GRID2: variants seen among roughly 807,000 people sequenced by gnomAD.
The protein encoded by GRID2 is glutamate ionotropic receptor delta type subunit 2.
GRID2 carries 33 observed loss-of-function variants against 114.8 expected under a neutral mutation model. The observed-to-expected ratio is 0.29, with a 90% CI of 0.22 to 0.38. The LOEUF (loss-of-function observed/expected upper bound fraction) is 0.38. Among genes scored for constraint, GRID2 ranks in the 10% least tolerant of loss-of-function variants. The probability of loss-of-function intolerance (pLI) is 1.00; values close to 1 mark genes in which losing one functional copy is unlikely to be tolerated. For missense variants in GRID2, 1,184 were observed against 1,257.7 expected (o/e 0.94, Z 0.89); for synonymous variants, 505 against 449.9 (o/e 1.12, Z -1.55).
chr4:93,449,119 C>A (rs1722441437), intron 10 of GRID2, among the ~76,000 whole-genome samples: 1 of 150,952 alleles, frequency 6.6e-6, no homozygotes, highest in Admixed American at 6.6e-5. Flanking sequence ...CAAATAAAAT[C>A]AAATAATATT....
chr4:92,915,638 C>T (rs1748725505), intron 2 of GRID2, among the ~76,000 whole-genome samples: 1 of 152,040 alleles, frequency 6.6e-6, no homozygotes, highest in African/African-American at 2.4e-5. Flanking sequence ...AGGGATCAAC[C>T]CACTACTCTT....
intron 13 of GRID2, among the ~76,000 whole-genome samples, chr4:93,593,487 A>AT (rs1241698744): frequency 7.5e-6 from 1 of 133,072 alleles, no homozygotes; most frequent in Non-Finnish European, 1.6e-5. Flanking sequence ...TGCCCTTAAC[A>AT]TTTTTTCCTT....
intron 11 of GRID2, among the ~76,000 whole-genome samples, chr4:93,460,108 A>G (rs1405857368): frequency 1.3e-5 from 2 of 152,198 alleles, no homozygotes; most frequent in African/African-American, 4.8e-5. Flanking sequence ...CGATTCACAT[A>G]CTTGCATATA....
intron 1 of GRID2, among the ~76,000 whole-genome samples, chr4:92,524,407 C>CTTTT (rs869060153): frequency 8.4e-4 from 89 of 106,546 alleles, no homozygotes; most frequent in African/African-American, 1.4e-3. Context: ...ATTTCCTTGT[C>CTTTT]TTTTTTTTTT....
intron 2 of GRID2, among the ~76,000 whole-genome samples, chr4:92,782,777 A>G (rs1432407289): frequency 1.3e-5 from 2 of 152,014 alleles, no homozygotes; most frequent in Non-Finnish European, 2.9e-5. Context: ...TGGAGGGTCG[A>G]AGGTGAGATT....
intron 2 of GRID2, among the ~76,000 whole-genome samples, chr4:92,901,782 T>A (rs1443560554): frequency 6.6e-6 from 1 of 152,076 alleles, no homozygotes; most frequent in African/African-American, 2.4e-5. Context: ...TGAGGATATT[T>A]GCATGTATGT....
At chr4:93,154,510 A>C (rs2149400744) in intron 4 of GRID2, among the ~76,000 whole-genome samples, 1 of 152,138 alleles carries the variant, frequency 6.6e-6, no homozygotes, top group Middle Eastern at 3.4e-3. Context: ...AGCTTGGCTA[A>C]ACCGTTAAAC....
chr4:92,383,111 C>T (rs765555723), intron 1 of GRID2, among the ~76,000 whole-genome samples: 1 of 151,858 alleles, frequency 6.6e-6, no homozygotes, highest in Non-Finnish European at 1.5e-5. Context: ...CAATCACTAT[C>T]TCACTCACTA....
intron 2 of GRID2, among the ~76,000 whole-genome samples, chr4:92,968,098 T>C (rs1341758057): frequency 2.0e-5 from 3 of 151,844 alleles, no homozygotes; most frequent in Admixed American, 6.6e-5. Context: ...CCACCTTGCA[T>C]AGAAAAGTTT....
chr4:92,526,440 T>C (rs1188730950), intron 1 of GRID2, among the ~76,000 whole-genome samples: 1 of 152,030 alleles, frequency 6.6e-6, no homozygotes, highest in African/African-American at 2.4e-5. Context: ...ACCTCCCAGG[T>C]TCAAGGGATT....
intron 2 of GRID2, among the ~76,000 whole-genome samples, chr4:92,905,616 C>T (rs1400370152): frequency 6.7e-6 from 1 of 149,974 alleles, no homozygotes; most frequent in Non-Finnish European, 1.5e-5. Context: ...TCAAATGTAG[C>T]TCATTTGATG....
At position 92,393,258 on chromosome 4, in the gene GRID2, G is replaced by A. The variant is rs189366355; in HGVS notation, c.88+88514G>A. The stretch of plus-strand genomic sequence containing the variant: ...ACAAGACCCTACCTCCAGCTTTGGG[G>A]ATTACAACTGAATATGAGATTTGGG... On this transcript the variant is annotated intron_variant, in intron 1 of 15. Transcript: ENST00000282020. Among the ~76,000 whole-genome samples the A allele has an allele frequency of 6.6e-5, 10 of 152,196 alleles. No individual in the cohort carries two copies. The East Asian group carries it at 1.5e-3, about 23-fold the overall frequency.
In GRID2 at chr4:93,752,313, A is replaced by T. The variant is rs962208143; in HGVS notation, c.2361-16897A>T. Among the ~76,000 whole-genome samples, 8 of 152,252 alleles carry T rather than the reference A, an allele frequency of 5.3e-5. No homozygotes were observed. The East Asian group carries it at 1.5e-3, about 29-fold the overall frequency. On this transcript the variant is annotated intron_variant, in intron 14 of 15. Coordinates refer to ENST00000282020, the MANE Select transcript of GRID2 (RefSeq NM_001510.4). Reference sequence around the variant, plus strand: ...GCCAGTACATAGTCAGGAAGTAATGATAACAGAATTTCACCCACGTTTTCC... The same window carrying T: ...GCCAGTACATAGTCAGGAAGTAATGTTAACAGAATTTCACCCACGTTTTCC...
chr4:93,590,407 G>C (rs1022902031), intron 13 of GRID2, among the ~76,000 whole-genome samples: 7 of 149,106 alleles, frequency 4.7e-5, no homozygotes, highest in African/African-American at 1.7e-4. Context: ...CTGTTCCATT[G>C]ATCTATATCT....
At chr4:93,327,392 T>C (rs1207678948) in intron 8 of GRID2, among the ~76,000 whole-genome samples, 3 of 152,172 alleles carry the variant, frequency 2.0e-5, no homozygotes, top group Admixed American at 6.6e-5. Context: ...CAGTTAGTCA[T>C]ACAAAACCCT....
At chr4:92,836,397 A>G (rs1230852406) in intron 2 of GRID2, among the ~76,000 whole-genome samples, 1 of 152,170 alleles carries the variant, frequency 6.6e-6, no homozygotes, top group Admixed American at 6.6e-5. Flanking sequence ...AAAGGCAAAT[A>G]GCATCTTAGT....
chr4:93,697,869 GTA>G (rs749542291), intron 14 of GRID2, among the ~76,000 whole-genome samples: 1 of 122,658 alleles, frequency 8.2e-6, no homozygotes, highest in African/African-American at 3.0e-5. Flanking sequence ...CACAATGTGT[GTA>G]TATATATATT....
intron 13 of GRID2, among the ~76,000 whole-genome samples, chr4:93,520,650 G>A (rs1387230882): frequency 1.3e-5 from 2 of 152,202 alleles, no homozygotes; most frequent in South Asian, 4.2e-4. Context: ...TGGGAGGTGG[G>A]CAGGATGGAG....
intron 2 of GRID2, among the ~76,000 whole-genome samples, chr4:92,977,465 A>G (rs904625144): frequency 6.6e-6 from 1 of 152,198 alleles, no homozygotes; most frequent in Non-Finnish European, 1.5e-5. Flanking sequence ...TAGAAGATGA[A>G]AATGGAGAAG....
Sources: gnomAD v4.1 joint callset for allele counts (sites outside exome capture counted in the v4.1 genomes callset) on GRCh38, gnomAD v4.1.1 for gene constraint, MANE v1.5 for transcripts, NCBI Gene and HGNC (gene_info 2026-07-23, HGNC 2026-07-21) for gene names.